The following KPNA4 variants were observed in gnomAD, a reference collection of about 807,000 sequenced individuals.
The protein encoded by KPNA4 is karyopherin subunit alpha 4.
KPNA4 carries 13 observed loss-of-function variants against 71.3 expected under a neutral mutation model. The observed-to-expected ratio is 0.18, with a 90% CI of 0.12 to 0.29. KPNA4 has a LOEUF of 0.29. KPNA4 is among the 10% of genes least tolerant of loss of function. The pLI is 1.00. For missense variants in KPNA4, 334 were observed against 603.2 expected, an observed-to-expected ratio of 0.55 and a Z score of 4.67; for synonymous variants, 189 against 195.2, an observed-to-expected ratio of 0.97 and a Z score of 0.26.
intron 11 of KPNA4, among the ~76,000 whole-genome samples, chr3:160,518,770 A>C (rs1185352608): frequency 5.9e-5 from 9 of 152,126 alleles, no homozygotes; most frequent in Non-Finnish European, 1.0e-4. Context: ...CTGAGGCAGG[A>C]GAACTGCTTG....
chr3:160,554,553 T>C (rs1288600642), intron 1 of KPNA4, among the ~76,000 whole-genome samples: 1 of 152,216 alleles, frequency 6.6e-6, no homozygotes, highest in African/African-American at 2.4e-5. Flanking sequence ...GCTAATGAGA[T>C]GACTGGTGAC....
At chr3:160,527,893 T>C in intron 8 of KPNA4, 60 bp downstream of exon 8, 1 of 1,273,990 alleles carries the variant, frequency 7.8e-7, no homozygotes, top group Non-Finnish European at 1.1e-6. Flanking sequence ...CTAGTAGCTA[T>C]TTTTATTACT....
intron 1 of KPNA4, among the ~76,000 whole-genome samples, chr3:160,558,517 AC>A (rs964184935): frequency 2.6e-5 from 4 of 152,226 alleles, no homozygotes; most frequent in African/African-American, 9.6e-5. Flanking sequence ...AAGTGGAGAA[AC>A]CAGAGTTCAA....
At chr3:160,537,758 T>C (rs925889314) in intron 1 of KPNA4, among the ~76,000 whole-genome samples, 9 of 151,598 alleles carry the variant, frequency 5.9e-5, no homozygotes, top group African/African-American at 2.2e-4. Flanking sequence ...ACCAAAAACC[T>C]TGGAGCCATC....
At chr3:160,560,510 C>T (rs1035629333) in intron 1 of KPNA4, among the ~76,000 whole-genome samples, 34 of 151,432 alleles carry the variant, frequency 2.2e-4, no homozygotes, top group African/African-American at 8.0e-4. Context: ...TAGATGAATG[C>T]TACTCCAGAA....
At chr3:160,530,633 C>T (rs987303360) in intron 7 of KPNA4, among the ~76,000 whole-genome samples, 2 of 152,018 alleles carry the variant, frequency 1.3e-5, no homozygotes, top group African/African-American at 2.4e-5. Flanking sequence ...AGGAAATGTT[C>T]TCATATTTAG....
At chr3:160,512,323 C>A (rs1480906840) in intron 13 of KPNA4, among the ~76,000 whole-genome samples, 1 of 152,088 alleles carries the variant, frequency 6.6e-6, no homozygotes, top group African/African-American at 2.4e-5. Flanking sequence ...TAAGAGGTTC[C>A]TGTTGGTCAG....
intron 1 of KPNA4, among the ~76,000 whole-genome samples, chr3:160,550,319 T>G (rs1257317040): frequency 6.6e-6 from 1 of 152,232 alleles, no homozygotes; most frequent in Non-Finnish European, 1.5e-5. Flanking sequence ...CAGGCTGCAG[T>G]GCAGTGGCAG....
intron 1 of KPNA4, among the ~76,000 whole-genome samples, chr3:160,557,488 T>C (rs1235663039): frequency 6.6e-6 from 1 of 152,210 alleles, no homozygotes; most frequent in Admixed American, 6.5e-5. Flanking sequence ...AAAAACATAC[T>C]ATCTTAGGAT....
intron 1 of KPNA4, among the ~76,000 whole-genome samples, chr3:160,564,999 C>G (rs1722314857): frequency 6.7e-6 from 1 of 149,828 alleles, no homozygotes; most frequent in African/African-American, 2.4e-5. Flanking sequence ...GCCGCGCCGG[C>G]CGTACCCGGG....
chr3:160,536,725 G>T, intron 2 of KPNA4, 71 bp downstream of exon 2: 1 of 745,946 alleles, frequency 1.3e-6, no homozygotes, highest in South Asian at 2.6e-5. Context: ...ATATATATTT[G>T]GCATCTTGTA....
intron 1 of KPNA4, among the ~76,000 whole-genome samples, chr3:160,538,847 T>G (rs906578726): frequency 6.6e-6 from 1 of 152,182 alleles, no homozygotes; most frequent in Non-Finnish European, 1.5e-5. Context: ...GAAGATGGAC[T>G]CCAAAGTCAA....
chr3:160,508,040 G>T, intron 15 of KPNA4, 67 bp downstream of exon 15: 1 of 1,221,010 alleles, frequency 8.2e-7, no homozygotes, highest in Non-Finnish European at 1.1e-6. Context: ...TGCTATATTA[G>T]TCGGCAAATA....
chr3:160,556,970 CA>C (rs1294975257), intron 1 of KPNA4, among the ~76,000 whole-genome samples: 1 of 152,088 alleles, frequency 6.6e-6, no homozygotes, highest in East Asian at 1.9e-4. Context: ...TGTGTGCCAC[CA>C]CACCCAGCTA....
chr3:160,514,006 CATA>C (rs1721153501), intron 13 of KPNA4, 68 bp downstream of exon 13: 2 of 826,586 alleles, frequency 2.4e-6, no homozygotes, highest in South Asian at 2.3e-5. Context: ...TATAAATTCA[CATA>C]ATGTCTCAGA....
intron 1 of KPNA4, among the ~76,000 whole-genome samples, chr3:160,553,909 T>C (rs948681193): frequency 2.9e-4 from 44 of 152,220 alleles, no homozygotes; most frequent in African/African-American, 8.2e-4. Flanking sequence ...CTCAGACTGA[T>C]TGAATTTACC....
At chr3:160,523,734 C>T (rs1392401071) in intron 10 of KPNA4, among the ~76,000 whole-genome samples, 1 of 152,036 alleles carries the variant, frequency 6.6e-6, no homozygotes, top group African/African-American at 2.4e-5. Context: ...ATCTGTAAAC[C>T]CAGCTACTCG....
chr3:160,502,798 A>G (rs1720909764), intron 16 of KPNA4, among the ~76,000 whole-genome samples: 1 of 152,182 alleles, frequency 6.6e-6, no homozygotes, highest in African/African-American at 2.4e-5. Flanking sequence ...ATTTGGTCTC[A>G]TTACAATTTC....
intron 12 of KPNA4, 51 bp downstream of exon 12, chr3:160,515,401 A>G: frequency 6.9e-7 from 1 of 1,452,416 alleles, no homozygotes; most frequent in Non-Finnish European, 9.4e-7. Context: ...ACAAATAGAA[A>G]CTGTTAACAT....
Sources: allele counts gnomAD v4.1 joint callset (sites outside exome capture counted in the v4.1 genomes callset), GRCh38; gene constraint gnomAD v4.1.1; transcripts MANE v1.5; gene names NCBI Gene and HGNC (gene_info 2026-07-23, HGNC 2026-07-21).